The following AMPH variants were observed in gnomAD, a reference collection of about 807,000 sequenced individuals.
The protein encoded by AMPH is amphiphysin, also known as amphiphysin (Stiff-Mann syndrome with breast cancer 128kD autoantigen).
AMPH carries 49 observed loss-of-function variants against 99.1 expected under a neutral mutation model. The ratio of observed to expected loss-of-function variants is 0.49; its 90% CI spans 0.39 to 0.63. The LOEUF is 0.63. Ranked by LOEUF, AMPH falls within the 20% of genes least tolerant of loss-of-function variation. The pLI, the probability that AMPH is intolerant of heterozygous loss-of-function variation, is 0.00. For synonymous variants in AMPH, 314 were observed against 317.3 expected (o/e 0.99, Z 0.11); for missense variants, 759 against 863.4 (o/e 0.88, Z 1.52).
intron 11 of AMPH, among the ~76,000 whole-genome samples, chr7:38,454,987 A>G (rs1787174261): frequency 6.6e-6 from 1 of 152,196 alleles, no homozygotes; most frequent in Non-Finnish European, 1.5e-5. Context: ...CAAAATTGAT[A>G]TATACTCAGT....
chr7:38,603,900 A>G (rs988162266), intron 1 of AMPH, among the ~76,000 whole-genome samples: 7 of 152,268 alleles, frequency 4.6e-5, no homozygotes, highest in African/African-American at 1.4e-4. Context: ...AAAGAGATGC[A>G]CATTTTGACA....
intron 17 of AMPH, among the ~76,000 whole-genome samples, chr7:38,416,943 C>T (rs796609976): frequency 6.6e-6 from 1 of 152,278 alleles, no homozygotes; most frequent in African/African-American, 2.4e-5. Flanking sequence ...AAGGCACCAA[C>T]GACATGAAGT....
chr7:38,579,380 G>C (rs1026415429), intron 1 of AMPH, among the ~76,000 whole-genome samples: 3 of 152,170 alleles, frequency 2.0e-5, no homozygotes, highest in African/African-American at 7.2e-5. Flanking sequence ...TTCCCTTCCA[G>C]TGCCATTCTT....
chr7:38,534,485 C>A (rs1465572932), intron 2 of AMPH, among the ~76,000 whole-genome samples: 1 of 152,050 alleles, frequency 6.6e-6, no homozygotes, highest in Non-Finnish European at 1.5e-5. Flanking sequence ...CTATCCTGGG[C>A]AACATGGCAA....
At chr7:38,427,923 A>T (rs1253075530) in intron 14 of AMPH, 1 of 456,556 alleles carries the variant, frequency 2.2e-6, no homozygotes, top group South Asian at 1.5e-5. Flanking sequence ...TGAGTTGTTG[A>T]TGTCCTGGTC....
intron 2 of AMPH, among the ~76,000 whole-genome samples, chr7:38,508,058 C>T (rs1789398194): frequency 6.6e-6 from 1 of 152,154 alleles, no homozygotes; most frequent in Admixed American, 6.5e-5. Flanking sequence ...TTACCTTTAA[C>T]TCAGTTATTT....
intron 3 of AMPH, among the ~76,000 whole-genome samples, chr7:38,497,473 C>G (rs994572507): frequency 2.0e-5 from 3 of 152,200 alleles, no homozygotes; most frequent in African/African-American, 7.2e-5. Flanking sequence ...TTTCATATAA[C>G]ATTGTCTATT....
chr7:38,397,862 G>T (rs116896078), intron 17 of AMPH, among the ~76,000 whole-genome samples: 8,824 of 152,136 alleles, frequency 0.058, 353 homozygotes, highest in East Asian at 0.19. Context: ...TGAATAGACA[G>T]TTCACAAAAG....
intron 1 of AMPH, among the ~76,000 whole-genome samples, chr7:38,544,859 A>G (rs1280677896): frequency 1.3e-5 from 2 of 152,190 alleles, no homozygotes; most frequent in Admixed American, 6.5e-5. Flanking sequence ...TTTAAGTTGC[A>G]ATATCAAAGG....
intron 1 of AMPH, among the ~76,000 whole-genome samples, chr7:38,577,543 T>C (rs113179503): frequency 3.3e-5 from 5 of 152,294 alleles, no homozygotes; most frequent in African/African-American, 9.6e-5. Context: ...GAATATCACC[T>C]TTTTTGTTTT....
chr7:38,606,748 AC>A (rs1562857877), intron 1 of AMPH, among the ~76,000 whole-genome samples: 2 of 151,316 alleles, frequency 1.3e-5, no homozygotes, highest in Non-Finnish European at 3.0e-5. Flanking sequence ...AATTTTTTAA[AC>A]TTTTTTGTAG....
chr7:38,498,268 C>T (rs1789003899), intron 3 of AMPH, among the ~76,000 whole-genome samples: 1 of 152,152 alleles, frequency 6.6e-6, no homozygotes, highest in Non-Finnish European at 1.5e-5. Context: ...ATTAGATACT[C>T]ATCACCTACG....
chr7:38,594,629 A>G (rs1219057338), intron 1 of AMPH, among the ~76,000 whole-genome samples: 1 of 152,156 alleles, frequency 6.6e-6, no homozygotes, highest in East Asian at 1.9e-4. Context: ...GTTTGCTTTC[A>G]AGAGGGAAAG....
At chr7:38,442,872 A>G (rs1366133616) in intron 11 of AMPH, among the ~76,000 whole-genome samples, 1 of 151,496 alleles carries the variant, frequency 6.6e-6, no homozygotes, top group African/African-American at 2.4e-5. Flanking sequence ...GTGAAACAGA[A>G]AACAAAAGAC....
intron 1 of AMPH, among the ~76,000 whole-genome samples, chr7:38,553,302 C>T (rs1343833472): frequency 2.0e-5 from 3 of 152,194 alleles, no homozygotes; most frequent in African/African-American, 7.2e-5. Flanking sequence ...TGCAGTAAAG[C>T]CTCTTGAACC....
At chr7:38,448,047 T>A (rs939766045) in intron 11 of AMPH, among the ~76,000 whole-genome samples, 2 of 152,224 alleles carry the variant, frequency 1.3e-5, no homozygotes, top group African/African-American at 4.8e-5. Flanking sequence ...TTATCTTTTA[T>A]GTAATAGAAA....
At chr7:38,443,242 CACA>C (rs1017951126) in intron 11 of AMPH, among the ~76,000 whole-genome samples, 2 of 151,832 alleles carry the variant, frequency 1.3e-5, no homozygotes, top group African/African-American at 4.8e-5. Context: ...CAAAAGAAAA[CACA>C]ACAAAACAGA....
chr7:38,485,767 C>A (rs373221356), intron 5 of AMPH, among the ~76,000 whole-genome samples: 7 of 151,960 alleles, frequency 4.6e-5, no homozygotes, highest in East Asian at 3.9e-4. Flanking sequence ...TGAAATTATA[C>A]CAGGTATCTT....
chr7:38,499,623 G>C (rs954313219), intron 3 of AMPH, among the ~76,000 whole-genome samples: 1 of 152,156 alleles, frequency 6.6e-6, no homozygotes, highest in Admixed American at 6.5e-5. Context: ...CTGTGTTATA[G>C]CAGGATTAGT....
Sources: gnomAD v4.1 joint callset for allele counts (sites outside exome capture counted in the v4.1 genomes callset) on GRCh38, gnomAD v4.1.1 for gene constraint, MANE v1.5 for transcripts, NCBI Gene and HGNC (gene_info 2026-07-23, HGNC 2026-07-21) for gene names.